The following C4orf51 variants were observed in gnomAD, a reference collection of about 807,000 sequenced individuals.
C4orf51 encodes the protein uncharacterized protein C4orf51.
C4orf51 carries 25 observed loss-of-function variants against 25.2 expected under a neutral mutation model. The observed-to-expected ratio is 0.99, with a 90% CI of 0.72 to 1.39. C4orf51 has a LOEUF of 1.39. Ranked by LOEUF, C4orf51 falls within the 40% of genes most tolerant of loss-of-function variation. The pLI, the probability that C4orf51 is intolerant of heterozygous loss-of-function variation, is 0.00. For synonymous variants in C4orf51, 100 were observed against 84.5 expected, an observed-to-expected ratio of 1.18 and a Z score of -1.01; for missense variants, 252 against 239.6, an observed-to-expected ratio of 1.05 and a Z score of -0.34.
chr4:145,715,807 T>G (rs1228457076), intron 2 of C4orf51, among the ~76,000 whole-genome samples: 1 of 152,188 alleles, frequency 6.6e-6, no homozygotes, highest in Non-Finnish European at 1.5e-5. Context: ...ATGACCATGT[T>G]CCATGCTGGA....
At chr4:145,770,338 AT>A (rs752306437) in intron 1 of C4orf51, among the ~76,000 whole-genome samples, 3,974 of 66,162 alleles carry the variant, frequency 0.06, 94 homozygotes, top group Middle Eastern at 0.14. Context: ...AAATAAATAA[AT>A]AAATAAATAA....
At chr4:145,730,165 G>C (rs1311791866) in intron 5 of C4orf51, among the ~76,000 whole-genome samples, 200 bp downstream of exon 5, 1 of 152,184 alleles carries the variant, frequency 6.6e-6, no homozygotes, top group Admixed American at 6.5e-5. Context: ...ATCATGAATA[G>C]TTTCTTGGGT....
At chr4:145,750,331 C>T (rs1454740771) in intron 1 of C4orf51, among the ~76,000 whole-genome samples, 1 of 151,220 alleles carries the variant, frequency 6.6e-6, no homozygotes, top group Non-Finnish European at 1.5e-5. Context: ...TAAAGTCCCT[C>T]AGCTTTTTTC....
chr4:145,770,322 AT>A (rs1356488339), intron 1 of C4orf51, among the ~76,000 whole-genome samples: 6 of 145,212 alleles, frequency 4.1e-5, no homozygotes, highest in Non-Finnish European at 9.0e-5. Flanking sequence ...AAATAAATAA[AT>A]AAATAAATAA....
chr4:145,719,588 C>CAAAAAA (rs57272346), intron 2 of C4orf51, among the ~76,000 whole-genome samples: 4 of 90,128 alleles, frequency 4.4e-5, no homozygotes, highest in African/African-American at 1.2e-4. Flanking sequence ...GACTCTGTCT[C>CAAAAAA]AAAAAAAAAA....
chr4:145,774,608 C>T (rs745342753), downstream of C4orf51: 8 of 1,613,640 alleles, frequency 5.0e-6, no homozygotes, highest in Non-Finnish European at 5.9e-6. Flanking sequence ...TCCTTGTCCA[C>T]GTGGAGTGAC....
chr4:145,785,672 T>C, the C4orf51 span, among the ~76,000 whole-genome samples: 1 of 152,198 alleles, frequency 6.6e-6, no homozygotes, highest in Non-Finnish European at 1.5e-5. Context: ...ATAAGGGAAC[T>C]GAGGCCAAGA....
chr4:145,765,536 C>T lies in C4orf51; in HGVS notation n.167-5452C>T. ...GAGGGTTGAGCAGGCTCACACCCACCTCCTCCTTACCTTTCTCTGGCTTTT... is the reference window on the plus strand; with the variant it reads ...GAGGGTTGAGCAGGCTCACACCCACTTCCTCCTTACCTTTCTCTGGCTTTT... On this transcript the variant is annotated intron_variant and non_coding_transcript_variant, in intron 1 of 1. Transcript: ENST00000510096. This position sits in a 1 kb window ranked among gnomAD's most constrained non-coding sequence, Gnocchi z 4.7. The T allele has an allele frequency of 1.2e-6, 2 of 1,605,336 alleles. No individual in the cohort carries two copies. The highest frequency in any genetic ancestry group is 1.7e-6 in the Non-Finnish European group (2 of 1,175,600).
intron 1 of C4orf51, among the ~76,000 whole-genome samples, chr4:145,738,449 CGA>C (rs1471369804): frequency 2.2e-5 from 2 of 90,004 alleles, no homozygotes; most frequent in African/African-American, 8.0e-5. Context: ...GACTCTATCT[CGA>C]AAAAAAACAT....
At chr4:145,711,599 C>G (rs997010522) in intron 2 of C4orf51, among the ~76,000 whole-genome samples, 2 of 152,024 alleles carry the variant, frequency 1.3e-5, no homozygotes, top group Non-Finnish European at 2.9e-5. Context: ...TTCCTCATTT[C>G]TTTTCATTCA....
chr4:145,724,691 G>T (rs59665796), intron 2 of C4orf51, among the ~76,000 whole-genome samples: 1,614 of 152,046 alleles, frequency 0.011, 36 homozygotes, highest in African/African-American at 0.037. Flanking sequence ...AGACCAGCCT[G>T]GGTAATAGAG....
chr4:145,739,528 T>C (rs1449421612), intron 1 of C4orf51, among the ~76,000 whole-genome samples: 1 of 152,224 alleles, frequency 6.6e-6, no homozygotes, highest in Non-Finnish European at 1.5e-5. Context: ...AATCATATTA[T>C]GACTTTTCAC....
chr4:145,699,533 C>T (rs535699846), intron 2 of C4orf51, among the ~76,000 whole-genome samples: 1 of 152,220 alleles, frequency 6.6e-6, no homozygotes, highest in African/African-American at 2.4e-5. Flanking sequence ...ATTTCAATTC[C>T]TTTCATTTTC....
At chr4:145,693,846 C>T (rs200575977) in intron 1 of C4orf51, among the ~76,000 whole-genome samples, 3 of 78,786 alleles carry the variant, frequency 3.8e-5, no homozygotes, top group African/African-American at 1.0e-4. Context: ...GGGGGCTGAC[C>T]CCCCCCACCT....
chr4:145,762,965 TC>T lies in C4orf51; in HGVS notation n.167-8021del. 1 of 905,742 alleles carries T rather than the reference TC, an allele frequency of 1.1e-6. No individual in the cohort carries two copies. Among genetic ancestry groups the T allele is most frequent in the Non-Finnish European group, 1.7e-6 (1 of 602,252 alleles). 56.1% of individuals were successfully genotyped at this position (905,742 alleles called of 1,614,324 possible). A position where few individuals can be genotyped will look rare whatever the true frequency, so the allele number is the denominator to read the frequency against. On this transcript the variant is annotated intron_variant and non_coding_transcript_variant, in intron 1 of 1. Coordinates refer to the C4orf51 transcript ENST00000510096. The surrounding 1 kb of genome is among the most constrained non-coding windows in gnomAD (Gnocchi z 4.9). Reference sequence around the variant, plus strand: ...ACAACCAAGTGCACCGTGCACGGCCTCCTCAGCGCCAAGCTCGCCGTTAGCC... The same window carrying T: ...ACAACCAAGTGCACCGTGCACGGCCTCTCAGCGCCAAGCTCGCCGTTAGCC...
chr4:145,763,863 C>G lies in C4orf51; in HGVS notation n.167-7125C>G, dbSNP rs1407332543. Among the ~76,000 whole-genome samples the G allele has an allele frequency of 6.6e-6, 1 of 152,182 alleles. No homozygotes were observed. The highest frequency in any genetic ancestry group is 6.5e-5 in the Admixed American group (1 of 15,280). On this transcript the variant is annotated intron_variant and non_coding_transcript_variant, in intron 1 of 1. Coordinates refer to the C4orf51 transcript ENST00000510096. The surrounding 1 kb of genome is among the most constrained non-coding windows in gnomAD (Gnocchi z 4.6). ...CAATCCCTTCTGCCCTCCCCTCCCC[C>G]TCCCCCAAGAGTGAAACGAAATGGA...
intron 2 of C4orf51, among the ~76,000 whole-genome samples, chr4:145,722,955 T>C (rs1205213787): frequency 6.6e-6 from 1 of 152,170 alleles, no homozygotes; most frequent in Non-Finnish European, 1.5e-5. Flanking sequence ...GATGAGACCA[T>C]CTAATTACAG....
downstream of C4orf51, chr4:145,774,505 C>T: frequency 6.2e-7 from 1 of 1,609,262 alleles, no homozygotes; most frequent in Non-Finnish European, 8.5e-7. Context: ...GGAATGGTCA[C>T]CTGTGTGCTT....
downstream of C4orf51, among the ~76,000 whole-genome samples, chr4:145,733,183 T>G (rs2126779178): frequency 6.8e-6 from 1 of 146,122 alleles, no homozygotes; most frequent in Middle Eastern, 3.5e-3. Flanking sequence ...CCCTCCCCGG[T>G]CCGCCTCTTC....
Sources: allele counts gnomAD v4.1 joint callset (sites outside exome capture counted in the v4.1 genomes callset), GRCh38; gene constraint gnomAD v4.1.1; non-coding constraint Gnocchi (gnomAD v3.1); transcripts MANE v1.5; gene names NCBI Gene and HGNC (gene_info 2026-07-23, HGNC 2026-07-21).